The following ERBB4 variants were observed in gnomAD, a reference collection of about 807,000 sequenced individuals.
The protein encoded by ERBB4 is erb-b2 receptor tyrosine kinase 4, also known as receptor tyrosine-protein kinase erbB-4.
A neutral mutation model predicts 158.0 loss-of-function variants in ERBB4; 42 were observed. The observed-to-expected ratio is 0.27, with a 90% CI of 0.21 to 0.34. ERBB4 has a LOEUF of 0.34. Ranked by LOEUF, ERBB4 falls within the 10% of genes least tolerant of loss-of-function variation. The pLI, the probability that ERBB4 is intolerant of heterozygous loss-of-function variation, is 1.00. For synonymous variants in ERBB4, 583 were observed against 558.7 expected (o/e 1.04, Z -0.61); for missense variants, 1,333 against 1,624.1 (o/e 0.82, Z 3.08).
Position 211,912,489 on chromosome 2 carries a change from T to A in ERBB4, c.421+34941A>T, listed in dbSNP as rs951384185. ...TAACATCACTTTGTACCTCATACTTTTATACAATTATAAATTGTCAACTTA... is the reference window on the plus strand; with the variant it reads ...TAACATCACTTTGTACCTCATACTTATATACAATTATAAATTGTCAACTTA... On this transcript the variant is annotated intron_variant, in intron 3 of 27. Transcript: ENST00000342788. Among the ~76,000 whole-genome samples the A allele has an allele frequency of 2.0e-5, 3 of 152,168 alleles. No individual in the cohort carries two copies. In the East Asian group the frequency reaches 5.8e-4, roughly 29 times the overall value.
intron 20 of ERBB4, among the ~76,000 whole-genome samples, chr2:211,472,137 C>T (rs1037172911): frequency 6.6e-6 from 1 of 151,918 alleles, no homozygotes; most frequent in African/African-American, 2.4e-5. Flanking sequence ...TAGAGGTAGA[C>T]AGACAAGTGT....
At chr2:211,997,195 A>C (rs1335403730) in intron 2 of ERBB4, among the ~76,000 whole-genome samples, 3 of 152,172 alleles carry the variant, frequency 2.0e-5, no homozygotes, top group African/African-American at 7.2e-5. Flanking sequence ...TATCTATCAA[A>C]AAGATAATAG....
chr2:211,850,312 G>A (rs1468423667), intron 3 of ERBB4, among the ~76,000 whole-genome samples: 1 of 151,772 alleles, frequency 6.6e-6, no homozygotes, highest in Non-Finnish European at 1.5e-5. Context: ...TCTCTAAGAA[G>A]CAGTATATAT....
chr2:212,087,950 T>C (rs1173331951), intron 2 of ERBB4, among the ~76,000 whole-genome samples: 1 of 152,130 alleles, frequency 6.6e-6, no homozygotes, highest in Non-Finnish European at 1.5e-5. Flanking sequence ...TGAGAGTCAA[T>C]TGAAATAATG....
intron 1 of ERBB4, among the ~76,000 whole-genome samples, chr2:212,176,226 C>T (rs2081658090): frequency 6.6e-6 from 1 of 151,944 alleles, no homozygotes; most frequent in Admixed American, 6.6e-5. Flanking sequence ...AAGATAGAAG[C>T]TGTTATAACC....
intron 1 of ERBB4, among the ~76,000 whole-genome samples, chr2:212,412,086 A>T (rs2091516070): frequency 6.6e-6 from 1 of 152,192 alleles, no homozygotes; most frequent in Admixed American, 6.5e-5. Flanking sequence ...TTTCTTAAAG[A>T]CATACTCATG....
chr2:211,404,622 A>AT (rs142359856), intron 25 of ERBB4, among the ~76,000 whole-genome samples: 4 of 151,408 alleles, frequency 2.6e-5, no homozygotes, highest in East Asian at 1.9e-4. Context: ...TTGTTAAAAC[A>AT]TTTTTTTTTA....
At chr2:211,839,422 A>G (rs2077422464) in intron 3 of ERBB4, among the ~76,000 whole-genome samples, 1 of 152,080 alleles carries the variant, frequency 6.6e-6, no homozygotes. Context: ...GGGTATAGAG[A>G]AAACTGTATT....
At chr2:211,747,352 C>T (rs2075006212) in intron 5 of ERBB4, among the ~76,000 whole-genome samples, 1 of 152,162 alleles carries the variant, frequency 6.6e-6, no homozygotes, top group African/African-American at 2.4e-5. Context: ...CCCTCCCACC[C>T]CTCCTCCATG....
intron 20 of ERBB4, among the ~76,000 whole-genome samples, chr2:211,431,884 A>G (rs2063754480): frequency 6.6e-6 from 1 of 152,174 alleles, no homozygotes; most frequent in South Asian, 2.1e-4. Flanking sequence ...GTATAACAAT[A>G]TATAACACAT....
chr2:211,418,084 AT>A (rs56391296), intron 25 of ERBB4, among the ~76,000 whole-genome samples: 13,946 of 147,046 alleles, frequency 0.095, 2,005 homozygotes, highest in African/African-American at 0.31. Flanking sequence ...AAAATGCATT[AT>A]TTTTTTTTTT....
intron 8 of ERBB4, among the ~76,000 whole-genome samples, chr2:211,712,434 T>C (rs2073735937): frequency 1.3e-5 from 2 of 152,154 alleles, no homozygotes. Flanking sequence ...CAAGACCCAG[T>C]ATACACACAT....
intron 3 of ERBB4, among the ~76,000 whole-genome samples, chr2:211,870,388 T>G (rs2078315069): frequency 6.6e-6 from 1 of 152,186 alleles, no homozygotes; most frequent in Admixed American, 6.5e-5. Flanking sequence ...TAATCATTCA[T>G]ATTCTAGACA....
At chr2:211,838,254 G>T (rs1370489465) in intron 3 of ERBB4, among the ~76,000 whole-genome samples, 1 of 151,860 alleles carries the variant, frequency 6.6e-6, no homozygotes, top group Non-Finnish European at 1.5e-5. Context: ...GCGGGGTGGG[G>T]GATGGTGGTG....
intron 1 of ERBB4, among the ~76,000 whole-genome samples, chr2:212,511,241 T>TTTTC (rs1691502723): frequency 6.6e-6 from 1 of 152,172 alleles, no homozygotes; most frequent in Admixed American, 6.5e-5. Context: ...ATCTTTTCAT[T>TTTTC]GAAAGCTGAT....
chr2:212,384,181 T>C (rs1011486312), intron 1 of ERBB4, among the ~76,000 whole-genome samples: 1 of 151,644 alleles, frequency 6.6e-6, no homozygotes, highest in South Asian at 2.1e-4. Context: ...AAAAAGTAAG[T>C]GACAGCAATT....
chr2:211,696,000 CCCTT>C (rs962214002), intron 12 of ERBB4, among the ~76,000 whole-genome samples: 7 of 148,340 alleles, frequency 4.7e-5, no homozygotes, highest in African/African-American at 1.2e-4. Flanking sequence ...TCCTTCCCTT[CCCTT>C]CCTTCCTTCT....
intron 4 of ERBB4, among the ~76,000 whole-genome samples, chr2:211,772,239 C>T (rs10432446): frequency 0.14 from 21,608 of 150,800 alleles, 1,747 homozygotes; most frequent in South Asian, 0.33. Flanking sequence ...CAAATTGGGG[C>T]TTTTTTCCCC....
chr2:212,381,462 T>A (rs1379972201), intron 1 of ERBB4, among the ~76,000 whole-genome samples: 1 of 151,352 alleles, frequency 6.6e-6, no homozygotes, highest in East Asian at 1.9e-4. Flanking sequence ...TAAGTGACAC[T>A]ATTACATGTA....
Sources: gnomAD v4.1 joint callset for allele counts (sites outside exome capture counted in the v4.1 genomes callset) on GRCh38, gnomAD v4.1.1 for gene constraint, MANE v1.5 for transcripts, NCBI Gene and HGNC (gene_info 2026-07-23, HGNC 2026-07-21) for gene names.